Variants in DPYD observed in about 807,000 individuals in gnomAD.
The protein encoded by DPYD is dihydropyrimidine dehydrogenase [NADP(+)].
DPYD carries 109 observed loss-of-function variants against 116.2 expected under a neutral mutation model. The ratio of observed to expected loss-of-function variants is 0.94; its 90% CI spans 0.80 to 1.10. DPYD has a LOEUF of 1.10. DPYD is among the 50% of genes least tolerant of loss of function. The pLI is 0.00. For synonymous variants in DPYD, 440 were observed against 432.0 expected (o/e 1.02, Z -0.23); for missense variants, 1,302 against 1,254.5 (o/e 1.04, Z -0.57).
chr1:97,843,756 G>GA (rs1454954021), intron 2 of DPYD, among the ~76,000 whole-genome samples: 6 of 151,822 alleles, frequency 4.0e-5, no homozygotes, highest in South Asian at 2.1e-4. Flanking sequence ...GAATTTCCTA[G>GA]AAAAAAATTT....
In DPYD at chr1:97,834,426, C is replaced by T. The variant is rs147604993; in HGVS notation, c.151-6230G>A. 1.5e-3 allele frequency among the ~76,000 whole-genome samples: 222 copies of T among 151,120 alleles called. 1 individual carries two copies. Among genetic ancestry groups the T allele is most frequent in the African/African-American group, 5.2e-3 (213 of 41,190 alleles). ...GGGTAACTGTTATAAGGTAAATAGG[C>T]CTCACATCCATTGCCATGTATTAGT... On this transcript the variant is annotated intron_variant, in intron 2 of 22. Coordinates refer to ENST00000370192, the MANE Select transcript of DPYD (RefSeq NM_000110.4).
chr1:97,173,661 T>C (rs1657049524), intron 20 of DPYD, among the ~76,000 whole-genome samples: 1 of 151,264 alleles, frequency 6.6e-6, no homozygotes, highest in Non-Finnish European at 1.5e-5. Context: ...CAATATATGT[T>C]AAATGCATAG....
At chr1:97,866,140 C>T (rs1671361909) in intron 2 of DPYD, among the ~76,000 whole-genome samples, 1 of 151,926 alleles carries the variant, frequency 6.6e-6, no homozygotes, top group African/African-American at 2.4e-5. Context: ...AAACTAATTC[C>T]AAAAGTATAT....
chr1:97,331,816 G>A (rs181048298), intron 16 of DPYD, among the ~76,000 whole-genome samples: 6 of 152,226 alleles, frequency 3.9e-5, no homozygotes, highest in African/African-American at 7.2e-5. Context: ...TATAAAGAAT[G>A]CTTGTGATTT....
intron 16 of DPYD, among the ~76,000 whole-genome samples, chr1:97,342,107 T>A (rs540245512): frequency 6.6e-6 from 1 of 152,318 alleles, no homozygotes; most frequent in Non-Finnish European, 1.5e-5. Context: ...CAGAGAAGTA[T>A]AATTTTTTAG....
intron 14 of DPYD, among the ~76,000 whole-genome samples, chr1:97,399,642 TCTC>T: frequency 6.6e-6 from 1 of 152,228 alleles, no homozygotes; most frequent in East Asian, 1.9e-4. Flanking sequence ...GGTTTGTAGT[TCTC>T]CTTGAAGAGG....
At chr1:97,099,119 A>G (rs1375416217) in intron 20 of DPYD, among the ~76,000 whole-genome samples, 2 of 152,086 alleles carry the variant, frequency 1.3e-5, no homozygotes, top group African/African-American at 2.4e-5. Flanking sequence ...CTGTATCTCT[A>G]TTTTATTGTG....
At chr1:97,413,336 T>C (rs1570694228) in intron 14 of DPYD, among the ~76,000 whole-genome samples, 1 of 152,206 alleles carries the variant, frequency 6.6e-6, no homozygotes, top group African/African-American at 2.4e-5. Flanking sequence ...ACTAAAGAAC[T>C]ATTCACTACA....
intron 13 of DPYD, among the ~76,000 whole-genome samples, chr1:97,501,625 C>T (rs750429582): frequency 3.9e-5 from 6 of 151,940 alleles, no homozygotes; most frequent in Admixed American, 6.6e-5. Flanking sequence ...ACAGGAGGAT[C>T]ACTTGAGCTC....
chr1:97,523,164 C>T (rs17116854), intron 12 of DPYD, among the ~76,000 whole-genome samples: 6,438 of 151,986 alleles, frequency 0.042, 471 homozygotes, highest in African/African-American at 0.15. Flanking sequence ...AGCTGAAGTC[C>T]TAAAGAACTG....
chr1:97,762,607 T>A (rs1383003790), intron 3 of DPYD, among the ~76,000 whole-genome samples: 2 of 152,150 alleles, frequency 1.3e-5, no homozygotes, highest in East Asian at 3.9e-4. Flanking sequence ...ATTCTCTAAA[T>A]CCTCTCCTTC....
chr1:97,226,930 A>G (rs915896005), intron 19 of DPYD, among the ~76,000 whole-genome samples: 1 of 152,216 alleles, frequency 6.6e-6, no homozygotes, highest in Non-Finnish European at 1.5e-5. Context: ...ACATCTTGTC[A>G]AAGCATGTTA....
At position 97,450,049 on chromosome 1, in the gene DPYD, TCA is replaced by T; in HGVS notation, c.1905+8_1905+9del. On this transcript the variant is annotated splice_region_variant and intron_variant, in intron 14 of 22. Transcript: ENST00000370192. Reference sequence around the variant, plus strand: ...CAATTCTCTTGTTTTAGATGTTAAATCACACTTACGTTGTCTGGAAAGTCAGC... The same window carrying T: ...CAATTCTCTTGTTTTAGATGTTAAATCACTTACGTTGTCTGGAAAGTCAGC... The T allele has an allele frequency of 1.2e-6, 2 of 1,613,828 alleles. No homozygotes were observed. Among genetic ancestry groups the T allele is most frequent in the Non-Finnish European group, 1.7e-6 (2 of 1,179,784 alleles).
chr1:97,549,620 A>T lies in DPYD; in HGVS notation c.1464T>A (p.Thr488=), dbSNP rs1450119105. Residue 488 remains threonine (T), a synonymous_variant, in exon 12 of 23, where the codon ACT becomes ACA. Transcript: ENST00000370192. ...TTCCATCATTCACCGATTCCACTGTAGTGTTAGCCAAACCAACGACATCAC... is the reference window on the plus strand; with the variant it reads ...TTCCATCATTCACCGATTCCACTGTTGTGTTAGCCAAACCAACGACATCAC... ...AGGDVVGLAN[T]TVESVNDGKQ... The T allele has an allele frequency of 3.7e-6, 6 of 1,613,922 alleles. No individual in the cohort carries two copies. Among genetic ancestry groups the T allele is most frequent in the Admixed American group, 1.7e-5 (1 of 59,986 alleles).
chr1:97,845,049 C>T (rs943649711), intron 2 of DPYD, among the ~76,000 whole-genome samples: 1 of 152,178 alleles, frequency 6.6e-6, no homozygotes, highest in South Asian at 2.1e-4. Flanking sequence ...CTGAGGGGTG[C>T]TCAGCATGGG....
chr1:97,368,788 A>G (rs2101484023), intron 16 of DPYD, among the ~76,000 whole-genome samples: 1 of 152,364 alleles, frequency 6.6e-6, no homozygotes, highest in East Asian at 1.9e-4. Context: ...ACATATTCTT[A>G]GTCAAATGTT....
intron 4 of DPYD, among the ~76,000 whole-genome samples, chr1:97,728,428 A>G (rs1663391347): frequency 6.6e-6 from 1 of 152,068 alleles, no homozygotes; most frequent in Admixed American, 6.6e-5. Flanking sequence ...TCCACAATTT[A>G]ATGATTTCCA....
At chr1:97,724,301 GGGGGGGGT>G (rs1557910173) in intron 4 of DPYD, among the ~76,000 whole-genome samples, 3 of 15,512 alleles carry the variant, frequency 1.9e-4, no homozygotes, top group African/African-American at 6.9e-4. Flanking sequence ...TGTGGGGGGG[GGGGGGGGT>G]GTGTGTGTGT....
At chr1:97,262,852 G>C (rs996266299) in intron 18 of DPYD, among the ~76,000 whole-genome samples, 1 of 152,010 alleles carries the variant, frequency 6.6e-6, no homozygotes, top group Non-Finnish European at 1.5e-5. Flanking sequence ...TTTCCACTGT[G>C]AACATGATAA....
Sources: gnomAD v4.1 joint callset for allele counts (sites outside exome capture counted in the v4.1 genomes callset) on GRCh38, gnomAD v4.1.1 for gene constraint, MANE v1.5 for transcripts, NCBI Gene and HGNC (gene_info 2026-07-23, HGNC 2026-07-21) for gene names.